IFT140: variants seen among roughly 807,000 people sequenced by gnomAD.
IFT140 encodes the protein intraflagellar transport 140.
IFT140 carries 133 observed loss-of-function variants against 164.6 expected under a neutral mutation model. The observed-to-expected ratio is 0.81, with a 90% CI of 0.70 to 0.93. IFT140 has a LOEUF of 0.93. IFT140 is among the 40% of genes least tolerant of loss of function. The probability of loss-of-function intolerance (pLI) is 0.00; values close to 1 mark genes in which losing one functional copy is unlikely to be tolerated. For synonymous variants in IFT140, 860 were observed against 817.3 expected (o/e 1.05, Z -0.89); for missense variants, 2,045 against 1,972.3 (o/e 1.04, Z -0.70).
chr16:1,541,192 A>T (rs2031597081), intron 19 of IFT140: 9 of 985,434 alleles, frequency 9.1e-6, no homozygotes, highest in Non-Finnish European at 1.1e-5. Context: ...GGCTGGGCAC[A>T]GGCCTGCTGT....
chr16:1,606,182 C>T (rs1281004547), intron 3 of IFT140, among the ~76,000 whole-genome samples: 1 of 152,224 alleles, frequency 6.6e-6, no homozygotes, highest in African/African-American at 2.4e-5. Flanking sequence ...TGTTTAAAGC[C>T]ACCCAGTTTG....
chr16:1,600,553 CA>C (rs1338980701), intron 4 of IFT140, among the ~76,000 whole-genome samples: 1 of 151,298 alleles, frequency 6.6e-6, no homozygotes, highest in East Asian at 1.9e-4. Context: ...GATTGAAAAC[CA>C]CCAAAATGTT....
intron 19 of IFT140, among the ~76,000 whole-genome samples, chr16:1,548,618 G>C (rs1451792232): frequency 6.6e-6 from 1 of 152,196 alleles, no homozygotes; most frequent in Non-Finnish European, 1.5e-5. Flanking sequence ...AGGACAATGA[G>C]GAGAGAGGGA....
Position 1,525,924 on chromosome 16 carries a change from G to A in IFT140, c.2731C>T (p.Leu911=), listed in dbSNP as rs1336328361. 1 of 1,567,900 alleles carries A rather than the reference G, an allele frequency of 6.4e-7. No homozygotes were observed. The highest frequency in any genetic ancestry group is 1.9e-5 in the Admixed American group (1 of 53,900). ...RSTYHRYAGH[L]EASADCSRAL... Reference sequence around the variant, plus strand: ...CGGCTGCAGTCGGCGCTGGCCTCCAGGTGCCCGGCATAGCGGTGGTAGGTG... The same window carrying A: ...CGGCTGCAGTCGGCGCTGGCCTCCAAGTGCCCGGCATAGCGGTGGTAGGTG... Residue 911 remains leucine, a synonymous_variant, in exon 21 of 31, where the codon CTG becomes TTG. Coordinates refer to ENST00000426508, the MANE Select transcript of IFT140 (RefSeq NM_014714.4).
intron 4 of IFT140, among the ~76,000 whole-genome samples, chr16:1,596,952 G>A (rs887663282): frequency 6.6e-6 from 1 of 152,144 alleles, no homozygotes; most frequent in East Asian, 1.9e-4. Context: ...GTAAAGAAAA[G>A]CTACCCCAAA....
intron 26 of IFT140, 56 bp from the exon 27 acceptor site, chr16:1,520,864 G>GC (rs962348895): frequency 6.7e-7 from 1 of 1,495,466 alleles, no homozygotes; most frequent in African/African-American, 1.4e-5. Context: ...ACTGAAGTGC[G>GC]CCCCTCATCT....
intron 2 of IFT140, among the ~76,000 whole-genome samples, chr16:1,608,148 G>C (rs1224448613): frequency 6.6e-6 from 1 of 152,202 alleles, no homozygotes; most frequent in African/African-American, 2.4e-5. Context: ...AGTTGAGCTT[G>C]ATCACTTACG....
At chr16:1,546,517 A>G (rs1439112334) in intron 19 of IFT140, among the ~76,000 whole-genome samples, 1 of 152,210 alleles carries the variant, frequency 6.6e-6, no homozygotes, top group Non-Finnish European at 1.5e-5. Context: ...CAATGCTCGC[A>G]GCTGTTATTC....
At chr16:1,572,069 C>A (rs1274001932) in intron 13 of IFT140, among the ~76,000 whole-genome samples, 2 of 152,042 alleles carry the variant, frequency 1.3e-5, no homozygotes, top group Non-Finnish European at 2.9e-5. Flanking sequence ...TGGCAATGTC[C>A]CACCCGCGAA....
At chr16:1,554,411 G>A (rs1235125299) in intron 19 of IFT140, among the ~76,000 whole-genome samples, 3 of 152,224 alleles carry the variant, frequency 2.0e-5, no homozygotes, top group African/African-American at 7.2e-5. Context: ...GCCCCCCCAA[G>A]TTGGTGTTGC....
intron 4 of IFT140, 128 bp downstream of exon 4, chr16:1,602,242 C>G: frequency 2.4e-6 from 2 of 843,376 alleles, no homozygotes; most frequent in Non-Finnish European, 1.9e-6. Context: ...ACAAAATCTA[C>G]AATTGCATCT....
chr16:1,541,080 C>T (rs1201612619), intron 19 of IFT140: 3 of 985,352 alleles, frequency 3.0e-6, no homozygotes, highest in Non-Finnish European at 2.4e-6. Context: ...ACGCACCTCC[C>T]TCTGAAGTTC....
rs146176415 is a variant in IFT140, at chr16:1,543,322, A to G, written c.2399+14613T>C. Reference sequence around the variant, plus strand: ...TCCTGGGCCCTTATCTTTCTTAAGAAATACAATTTCCAGAAGGAGGCTGAC... The same window carrying G: ...TCCTGGGCCCTTATCTTTCTTAAGAGATACAATTTCCAGAAGGAGGCTGAC... On this transcript the variant is annotated intron_variant, in intron 19 of 30. Coordinates refer to ENST00000426508, the MANE Select transcript of IFT140 (RefSeq NM_014714.4). 2.5e-3 allele frequency among the ~76,000 whole-genome samples: 387 copies of G among 152,358 alleles called. 3 individuals are homozygous for G. Among genetic ancestry groups the G allele is most frequent in the Non-Finnish European group, 4.6e-3 (316 of 68,032 alleles).
chr16:1,527,735 C>A (rs914227861), intron 19 of IFT140, among the ~76,000 whole-genome samples: 16 of 152,146 alleles, frequency 1.1e-4, no homozygotes, highest in African/African-American at 3.6e-4. Context: ...CCACACCCAG[C>A]TAAGTTTTTG....
chr16:1,522,543 A>G (rs2040554788), intron 26 of IFT140, among the ~76,000 whole-genome samples: 1 of 151,984 alleles, frequency 6.6e-6, no homozygotes, highest in African/African-American at 2.4e-5. Flanking sequence ...TTCAAAAAAC[A>G]AAAAGAGAAT....
At chr16:1,585,334 T>C (rs1356240571) in intron 10 of IFT140, among the ~76,000 whole-genome samples, 1 of 152,220 alleles carries the variant, frequency 6.6e-6, no homozygotes, top group African/African-American at 2.4e-5. Context: ...AGGTGTTGTG[T>C]GATTCCATTT....
chr16:1,542,657 G>A (rs1001768471), intron 19 of IFT140, among the ~76,000 whole-genome samples: 5 of 152,268 alleles, frequency 3.3e-5, no homozygotes, highest in African/African-American at 2.4e-5. Context: ...GTGAGAACAC[G>A]CTAGCACGTT....
Position 1,589,765 on chromosome 16 carries a change from A to T in IFT140, c.650T>A (p.Val217Glu). 6.2e-7 allele frequency: 1 copy of T among 1,613,992 alleles called. No individual in the cohort carries two copies. The highest frequency in any genetic ancestry group is 8.5e-7 in the Non-Finnish European group (1 of 1,179,866). Residue 217 changes from valine to glutamate, a missense_variant, in exon 7 of 31, where the codon GTG (valine) becomes GAG (glutamate). Transcript: ENST00000426508. ...VSLMDGTVHY[V>E]DEKGKTTQVV... ...CTGAGTGGTCTTGCCCTTCTCATCC[A>T]CATAGTGCACTGTCCCTGGGGACAA... is the stretch of plus-strand genomic sequence containing the variant.
At chr16:1,573,250 G>A (rs722565) in intron 13 of IFT140, among the ~76,000 whole-genome samples, 28,412 of 152,054 alleles carry the variant, frequency 0.19, 3,439 homozygotes, top group African/African-American at 0.33. Flanking sequence ...AGAGCAGGGG[G>A]AGCGGACTAG....
Sources: allele counts gnomAD v4.1 joint callset (sites outside exome capture counted in the v4.1 genomes callset), GRCh38; gene constraint gnomAD v4.1.1; transcripts MANE v1.5; gene names NCBI Gene and HGNC (gene_info 2026-07-23, HGNC 2026-07-21).